The following FAM227B variants were observed in gnomAD, a reference collection of about 807,000 sequenced individuals.
The protein encoded by FAM227B is family with sequence similarity 227 member B, also known as protein FAM227B.
A neutral mutation model predicts 73.8 loss-of-function variants in FAM227B; 88 were observed. That is an observed-to-expected ratio of 1.19 (90% confidence interval 1.00 to 1.42). FAM227B has a LOEUF of 1.42. FAM227B is among the 40% of genes most tolerant of loss of function. The pLI, the probability that FAM227B is intolerant of heterozygous loss-of-function variation, is 0.00. For missense variants in FAM227B, 632 were observed against 590.9 expected, an observed-to-expected ratio of 1.07 and a Z score of -0.72; for synonymous variants, 210 against 190.5, an observed-to-expected ratio of 1.10 and a Z score of -0.84.
chr15:49,557,383 T>A (rs536609884), intron 9 of FAM227B, among the ~76,000 whole-genome samples: 1 of 152,184 alleles, frequency 6.6e-6, no homozygotes, highest in Non-Finnish European at 1.5e-5. Flanking sequence ...AGATAGAGAA[T>A]AAAATGAACA....
chr15:49,569,073 A>G (rs1279406184), intron 8 of FAM227B, among the ~76,000 whole-genome samples: 2 of 151,730 alleles, frequency 1.3e-5, no homozygotes, highest in Non-Finnish European at 2.9e-5. Flanking sequence ...TACAATCTAG[A>G]TTTTCTATTT....
intron 13 of FAM227B, among the ~76,000 whole-genome samples, chr15:49,361,109 T>C (rs1016034971): frequency 1.3e-5 from 2 of 152,192 alleles, no homozygotes; most frequent in African/African-American, 4.8e-5. Context: ...ATGAATATGT[T>C]AGCTTGATTC....
chr15:49,376,041 T>C (rs891346416), intron 11 of FAM227B, among the ~76,000 whole-genome samples: 2 of 152,118 alleles, frequency 1.3e-5, no homozygotes, highest in South Asian at 2.1e-4. Flanking sequence ...GTGTTCCTCA[T>C]TGAAACCATG....
intron 11 of FAM227B, among the ~76,000 whole-genome samples, chr15:49,442,858 T>C (rs1199178021): frequency 6.6e-6 from 1 of 151,724 alleles, no homozygotes; most frequent in East Asian, 1.9e-4. Context: ...GTCACTACAA[T>C]TCACCAAATA....
chr15:49,380,241 G>A (rs1020917503), intron 11 of FAM227B, among the ~76,000 whole-genome samples: 17 of 152,166 alleles, frequency 1.1e-4, no homozygotes, highest in African/African-American at 2.9e-4. Flanking sequence ...AGTTTGTGGT[G>A]AATGCTGCCT....
chr15:49,553,046 T>C (rs529123879), intron 9 of FAM227B, among the ~76,000 whole-genome samples: 14 of 152,316 alleles, frequency 9.2e-5, no homozygotes, highest in South Asian at 6.2e-4. Context: ...GTCTGGGCAT[T>C]AAAGAGTTAG....
intron 10 of FAM227B, among the ~76,000 whole-genome samples, chr15:49,521,733 A>G (rs2059801819): frequency 6.6e-6 from 1 of 152,140 alleles, no homozygotes; most frequent in Non-Finnish European, 1.5e-5. Context: ...GGACCTAGTC[A>G]CATCGTGGTC....
At chr15:49,475,670 C>T (rs1597434986) in intron 11 of FAM227B, among the ~76,000 whole-genome samples, 1 of 151,798 alleles carries the variant, frequency 6.6e-6, no homozygotes, top group Non-Finnish European at 1.5e-5. Context: ...TAACAATTCC[C>T]AAGAATGTAC....
At chr15:49,583,639 C>T (rs1029093100) in intron 5 of FAM227B, among the ~76,000 whole-genome samples, 3 of 145,940 alleles carry the variant, frequency 2.1e-5, no homozygotes, top group African/African-American at 5.0e-5. Flanking sequence ...TCTTAATAAA[C>T]TTGCTTTCAC....
At chr15:49,480,376 C>T (rs1238332866) in intron 11 of FAM227B, among the ~76,000 whole-genome samples, 1 of 151,922 alleles carries the variant, frequency 6.6e-6, no homozygotes, top group African/African-American at 2.4e-5. Flanking sequence ...GGTGTGACCT[C>T]GGCTCATTGC....
intron 11 of FAM227B, among the ~76,000 whole-genome samples, chr15:49,397,530 C>T (rs2047775867): frequency 6.6e-6 from 1 of 151,880 alleles, no homozygotes; most frequent in South Asian, 2.1e-4. Flanking sequence ...AAGAGCAACT[C>T]CAAGACACAT....
intron 13 of FAM227B, among the ~76,000 whole-genome samples, chr15:49,351,838 C>T (rs2042298606): frequency 6.6e-6 from 1 of 152,198 alleles, no homozygotes; most frequent in South Asian, 2.1e-4. Flanking sequence ...TGTACATCAC[C>T]TTAGTCAGTG....
At chr15:49,418,563 T>C (rs567852292) in intron 11 of FAM227B, among the ~76,000 whole-genome samples, 1 of 152,248 alleles carries the variant, frequency 6.6e-6, no homozygotes, top group South Asian at 2.1e-4. Flanking sequence ...TCAAATATCA[T>C]ATTCTCCCAC....
chr15:49,559,650 C>A (rs1311246075), intron 9 of FAM227B, among the ~76,000 whole-genome samples: 1 of 152,080 alleles, frequency 6.6e-6, no homozygotes, highest in East Asian at 1.9e-4. Flanking sequence ...AATTCTGACA[C>A]TATAGGCCGG....
At chr15:49,335,335 ACTTAGTTTAGATGATTTCT>A in intron 14 of FAM227B, 65 bp downstream of exon 14, 1 of 856,918 alleles carries the variant, frequency 1.2e-6, no homozygotes, top group Non-Finnish European at 1.9e-6. Flanking sequence ...TCATTAAGGA[ACTTAGTTTAGATGATTTCT>A]CTGATTGTTT....
intron 11 of FAM227B, among the ~76,000 whole-genome samples, chr15:49,412,203 A>G (rs926515730): frequency 4.6e-5 from 7 of 152,154 alleles, no homozygotes. Flanking sequence ...GAAAAAAATC[A>G]GTCTTATTTT....
intron 9 of FAM227B, among the ~76,000 whole-genome samples, chr15:49,552,326 G>A (rs1490636588): frequency 6.6e-6 from 1 of 152,116 alleles, no homozygotes; most frequent in Non-Finnish European, 1.5e-5. Flanking sequence ...TGGCCTATAA[G>A]GTTTCCACTG....
At chr15:49,588,700 C>A (rs1184747460) in intron 4 of FAM227B, among the ~76,000 whole-genome samples, 2 of 148,688 alleles carry the variant, frequency 1.3e-5, no homozygotes, top group African/African-American at 2.5e-5. Flanking sequence ...CGAATTTATA[C>A]ACACACATGG....
intron 11 of FAM227B, chr15:49,483,359 T>A: frequency 1.6e-6 from 1 of 623,556 alleles, no homozygotes; most frequent in Non-Finnish European, 2.8e-6. Context: ...TCCAACTGTA[T>A]AATTTAATGA....
Sources: gnomAD v4.1 joint callset for allele counts (sites outside exome capture counted in the v4.1 genomes callset) on GRCh38, gnomAD v4.1.1 for gene constraint, MANE v1.5 for transcripts, NCBI Gene and HGNC (gene_info 2026-07-23, HGNC 2026-07-21) for gene names.